The following GRIK1 variants were observed in gnomAD, a reference collection of about 807,000 sequenced individuals.
GRIK1 encodes glutamate receptor ionotropic, kainate 1.
Under a neutral mutation model 105.7 loss-of-function variants are expected in GRIK1, and 69 were observed. That is an observed-to-expected ratio of 0.65 (90% CI 0.54 to 0.80). The LOEUF is 0.80. Ranked by LOEUF, GRIK1 falls within the 30% of genes least tolerant of loss-of-function variation. The pLI, the probability that GRIK1 is intolerant of heterozygous loss-of-function variation, is 0.00. For synonymous variants in GRIK1, 438 were observed against 431.3 expected (o/e 1.02, Z -0.19); for missense variants, 1,109 against 1,167.3 (o/e 0.95, Z 0.73).
At chr21:29,892,122 A>G (rs1438887410) in intron 1 of GRIK1, among the ~76,000 whole-genome samples, 2 of 152,180 alleles carry the variant, frequency 1.3e-5, no homozygotes, top group Non-Finnish European at 2.9e-5. Flanking sequence ...TGCCTCAGTC[A>G]CAGGCTTTCC....
chr21:29,834,666 T>C (rs1023333690), intron 1 of GRIK1, among the ~76,000 whole-genome samples: 10 of 151,224 alleles, frequency 6.6e-5, no homozygotes, highest in Non-Finnish European at 1.0e-4. Flanking sequence ...ATATATAACA[T>C]AGCAATAAAA....
intron 1 of GRIK1, among the ~76,000 whole-genome samples, chr21:29,906,266 C>A (rs1222089155): frequency 6.6e-6 from 1 of 152,092 alleles, no homozygotes; most frequent in East Asian, 1.9e-4. Flanking sequence ...AAATGTAATC[C>A]TCACATGGCT....
At chr21:29,906,920 C>A (rs1222207012) in intron 1 of GRIK1, among the ~76,000 whole-genome samples, 1 of 151,546 alleles carries the variant, frequency 6.6e-6, no homozygotes, top group East Asian at 1.9e-4. Context: ...GTGCTTATTG[C>A]ATTTAAAACT....
intron 7 of GRIK1, among the ~76,000 whole-genome samples, chr21:29,641,568 CT>C (rs2062511287): frequency 1.3e-5 from 2 of 152,136 alleles, no homozygotes; most frequent in African/African-American, 4.8e-5. Context: ...GTTAGTGGAA[CT>C]AAGATTTAAA....
intron 1 of GRIK1, among the ~76,000 whole-genome samples, chr21:29,830,032 C>A (rs1385036835): frequency 6.6e-6 from 1 of 151,982 alleles, no homozygotes; most frequent in Non-Finnish European, 1.5e-5. Flanking sequence ...TCACACAAGG[C>A]CTAGGAAATA....
intron 1 of GRIK1, 57 bp downstream of exon 1, chr21:29,939,326 C>A: frequency 9.6e-7 from 1 of 1,041,620 alleles, no homozygotes; most frequent in Non-Finnish European, 1.5e-6. Flanking sequence ...CCGCTACACC[C>A]GCGTTGGTGC....
intron 1 of GRIK1, among the ~76,000 whole-genome samples, chr21:29,712,097 C>T (rs1054466551): frequency 5.4e-4 from 75 of 139,212 alleles, no homozygotes; most frequent in Admixed American, 1.8e-3. Flanking sequence ...CACACACACA[C>T]ACACACACAC....
chr21:29,874,826 G>A (rs1026726791), intron 1 of GRIK1, among the ~76,000 whole-genome samples: 1 of 152,118 alleles, frequency 6.6e-6, no homozygotes, highest in African/African-American at 2.4e-5. Context: ...GATTATCCGT[G>A]GGTCATCTGG....
chr21:29,607,501 A>T, intron 7 of GRIK1, among the ~76,000 whole-genome samples: 1 of 152,154 alleles, frequency 6.6e-6, no homozygotes, highest in East Asian at 1.9e-4. Context: ...ACTTATATCA[A>T]TATTCTCAGG....
rs568648777 is a variant in GRIK1 at position 29,587,964 on chromosome 21, CTTTTTTT to C, written c.1570-382_1570-376del. On this transcript the variant is annotated intron_variant, in intron 11 of 17. Coordinates refer to ENST00000327783, the MANE Select transcript of GRIK1 (RefSeq NM_001330994.2). Reference sequence around the variant, plus strand: ...GCTCTGAGCTGAAAACTTTAAAATTCTTTTTTTTTTTTTTTTTTTTTTTTTTGTGAGG... The same window carrying C: ...GCTCTGAGCTGAAAACTTTAAAATTCTTTTTTTTTTTTTTTTTTTGTGAGG... Among the ~76,000 whole-genome samples the C allele has an allele frequency of 9.7e-3, 634 of 65,374 alleles. 2 individuals carry two copies. The highest frequency in any genetic ancestry group is 0.013 in the African/African-American group (196 of 15,202). The allele number at this position is 65,374 out of a possible 152,430, so 42.9% of individuals were successfully genotyped here. A position where few individuals can be genotyped will look rare whatever the true frequency, so the allele number is the denominator to read the frequency against.
intron 1 of GRIK1, among the ~76,000 whole-genome samples, chr21:29,834,424 C>T (rs1416651334): frequency 6.6e-6 from 1 of 150,588 alleles, no homozygotes; most frequent in African/African-American, 2.4e-5. Flanking sequence ...AACCCATTAC[C>T]ACTACTAACC....
chr21:29,713,553 G>T (rs757732121), intron 1 of GRIK1, among the ~76,000 whole-genome samples: 5 of 151,926 alleles, frequency 3.3e-5, no homozygotes, highest in Non-Finnish European at 4.4e-5. Flanking sequence ...TTTTGAAATG[G>T]GTAACGGACC....
chr21:29,831,785 C>G (rs147373978), intron 1 of GRIK1, among the ~76,000 whole-genome samples: 1 of 152,084 alleles, frequency 6.6e-6, no homozygotes, highest in Non-Finnish European at 1.5e-5. Flanking sequence ...CTGCCCCCAG[C>G]CCCTCCAACA....
intron 12 of GRIK1, among the ~76,000 whole-genome samples, chr21:29,584,351 A>G (rs1030605283): frequency 1.3e-5 from 2 of 152,182 alleles, no homozygotes; most frequent in African/African-American, 4.8e-5. Flanking sequence ...TCCATTTTTA[A>G]GAAGACGAAC....
chr21:29,646,987 A>T (rs1475867598), intron 6 of GRIK1, among the ~76,000 whole-genome samples: 2 of 152,010 alleles, frequency 1.3e-5, no homozygotes, highest in Admixed American at 1.3e-4. Flanking sequence ...CTGGGATTAC[A>T]GGCGCCTGCC....
chr21:29,868,769 T>C (rs1396834689), intron 1 of GRIK1, among the ~76,000 whole-genome samples: 1 of 151,994 alleles, frequency 6.6e-6, no homozygotes, highest in Non-Finnish European at 1.5e-5. Flanking sequence ...TTTGCTATCA[T>C]TGTCAGGAAA....
At chr21:29,639,838 T>C (rs2062473667) in intron 7 of GRIK1, among the ~76,000 whole-genome samples, 1 of 152,222 alleles carries the variant, frequency 6.6e-6, no homozygotes, top group South Asian at 2.1e-4. Flanking sequence ...CTAGCATGCA[T>C]TTGTTTAGCA....
chr21:29,615,393 T>G (rs951818951), intron 7 of GRIK1, among the ~76,000 whole-genome samples: 1 of 152,184 alleles, frequency 6.6e-6, no homozygotes, highest in Non-Finnish European at 1.5e-5. Flanking sequence ...CACTGTAACT[T>G]CTGCCTCCCA....
At chr21:29,814,746 T>C (rs752917111) in intron 1 of GRIK1, among the ~76,000 whole-genome samples, 2 of 152,116 alleles carry the variant, frequency 1.3e-5, no homozygotes, top group South Asian at 4.1e-4. Context: ...AGGTTTGAAA[T>C]AGTGGTAAAC....
Sources: allele counts gnomAD v4.1 joint callset (sites outside exome capture counted in the v4.1 genomes callset), GRCh38; gene constraint gnomAD v4.1.1; transcripts MANE v1.5; gene names NCBI Gene and HGNC (gene_info 2026-07-23, HGNC 2026-07-21).